The following C21orf58 variants were observed in gnomAD, a reference collection of about 807,000 sequenced individuals.
The protein encoded by C21orf58 is chromosome 21 open reading frame 58.
A neutral mutation model predicts 35.8 loss-of-function variants in C21orf58; 34 were observed. The observed-to-expected ratio is 0.95, with a 90% CI of 0.72 to 1.26. The LOEUF is 1.26. C21orf58 is among the 50% of genes most tolerant of loss of function. The pLI, the probability that C21orf58 is intolerant of heterozygous loss-of-function variation, is 0.00. For missense variants in C21orf58, 440 were observed against 414.3 expected (o/e 1.06, Z -0.54); for synonymous variants, 191 against 175.8 (o/e 1.09, Z -0.68).
intron 6 of C21orf58, among the ~76,000 whole-genome samples, chr21:46,304,781 G>A (rs915922411): frequency 1.3e-5 from 2 of 152,178 alleles, no homozygotes; most frequent in Non-Finnish European, 2.9e-5. Context: ...CTGTGCAGAT[G>A]TAAGCCTGGA....
In C21orf58 at chr21:46,302,147, G is replaced by A. The variant is rs1337155314; in HGVS notation, c.821C>T (p.Pro274Leu). The change falls in exon 8 of 8, where the codon CCA (proline) becomes CTA (leucine). Residue 274 changes from proline to leucine, a missense_variant. By Grantham distance (98) the Pro-to-Leu change is moderately conservative. Transcript: ENST00000291691. ...KALPPALQDP[P>L]HVPPRVPRAA... ...TCGTGGGACCCTCGGGGGCACATGT[G>A]GCGGGTCCTGCCACAGACGCACCTG... 6.0e-6 allele frequency: 9 copies of A among 1,490,770 alleles called. No homozygotes were observed. Among genetic ancestry groups the A allele is most frequent in the Non-Finnish European group, 7.1e-6 (8 of 1,119,350 alleles). 92.3% of individuals were successfully genotyped at this position (1,490,770 alleles called of 1,614,324 possible).
chr21:46,314,131 G>GTTTTTTTTTTTTTTTTTTTTTT, intron 5 of C21orf58, among the ~76,000 whole-genome samples: 1 of 145,110 alleles, frequency 6.9e-6, no homozygotes, highest in Non-Finnish European at 1.5e-5. Flanking sequence ...GCATGATAAA[G>GTTTTTTTTTTTTTTTTTTTTTT]TTTTTTTTTT....
chr21:46,323,030 G>A lies in C21orf58; in HGVS notation c.-292C>T, dbSNP rs1163405394. 8.0e-6 allele frequency: 2 copies of A among 249,664 alleles called. No individual in the cohort carries two copies. Among genetic ancestry groups the A allele is most frequent in the East Asian group, 1.5e-4 (2 of 13,750 alleles). 15.5% of individuals were successfully genotyped at this position (249,664 alleles called of 1,614,324 possible). On this transcript the variant is annotated 5_prime_UTR_variant, in exon 1 of 8. Coordinates refer to ENST00000291691, the MANE Select transcript of C21orf58 (RefSeq NM_058180.5). Reference sequence around the variant, plus strand: ...AGACTTGGACACATGAAATAAAGGGGTTAGCTGAAGGAATACTCCACAGTT... The same window carrying A: ...AGACTTGGACACATGAAATAAAGGGATTAGCTGAAGGAATACTCCACAGTT...
intron 1 of C21orf58, among the ~76,000 whole-genome samples, chr21:46,321,071 T>C (rs1161844672): frequency 6.6e-6 from 1 of 151,942 alleles, no homozygotes; most frequent in African/African-American, 2.4e-5. Flanking sequence ...GTTTTAGATT[T>C]AGAGTAATTG....
At chr21:46,302,370 G>T in intron 7 of C21orf58, 115 bp downstream of exon 7, 1 of 1,082,968 alleles carries the variant, frequency 9.2e-7, no homozygotes, top group Non-Finnish European at 1.3e-6. Context: ...CAGCCAGACT[G>T]TAGACCTGAG....
chr21:46,317,789 C>A (rs1482847459), intron 2 of C21orf58, among the ~76,000 whole-genome samples: 1 of 152,254 alleles, frequency 6.6e-6, no homozygotes, highest in African/African-American at 2.4e-5. Flanking sequence ...GCTCCCCAGA[C>A]CCTGTGCTCA....
At chr21:46,304,459 C>T (rs1264147511) in intron 6 of C21orf58, among the ~76,000 whole-genome samples, 2 of 151,334 alleles carry the variant, frequency 1.3e-5, no homozygotes, top group African/African-American at 4.9e-5. Flanking sequence ...GCACTCCAGC[C>T]TGGGCAATGG....
At position 46,314,787 on chromosome 21, in the gene C21orf58, G is replaced by A. The variant is rs1434962650; in HGVS notation, c.538C>T (p.Pro180Ser). Residue 180 changes from proline (P) to serine (S), a missense_variant, in exon 5 of 8, where the codon CCC becomes TCC. By Grantham distance (74) the Pro-to-Ser change is moderately conservative. Coordinates refer to ENST00000291691, the MANE Select transcript of C21orf58 (RefSeq NM_058180.5). ...LGSALPPELP[P>S]TGILPTASPS... is the part of the protein sequence containing the mutation. ...GAGGCAGTGGGTAGGATGCCCGTGG[G>A]GGGCAGCTCTGGGGGCAGGGCTGAC... 1 of 1,531,570 alleles carries A rather than the reference G, an allele frequency of 6.5e-7. No individual in the cohort carries two copies. The highest frequency in any genetic ancestry group is 2.5e-5 in the East Asian group (1 of 40,502). 94.9% of individuals were successfully genotyped at this position (1,531,570 alleles called of 1,614,324 possible). A position where few individuals can be genotyped will look rare whatever the true frequency, so the allele number is the denominator to read the frequency against.
chr21:46,310,164 A>G (rs1362214088), intron 6 of C21orf58, among the ~76,000 whole-genome samples: 1 of 152,080 alleles, frequency 6.6e-6, no homozygotes, highest in Non-Finnish European at 1.5e-5. Flanking sequence ...TGATATAAGT[A>G]TATGTTATAT....
chr21:46,322,543 C>T (rs1475782207), intron 1 of C21orf58, 96 bp downstream of exon 1: 11 of 1,318,142 alleles, frequency 8.3e-6, no homozygotes, highest in Middle Eastern at 2.0e-4. Context: ...GTGTTGCCTG[C>T]CTGGCCCCTG....
At chr21:46,319,580 C>T (rs937999866) in intron 1 of C21orf58, among the ~76,000 whole-genome samples, 1 of 152,132 alleles carries the variant, frequency 6.6e-6, no homozygotes, top group Admixed American at 6.5e-5. Flanking sequence ...CGGCACAACA[C>T]AACAAGACCC....
At chr21:46,303,707 A>C (rs970692311) in intron 6 of C21orf58, among the ~76,000 whole-genome samples, 4 of 41,530 alleles carry the variant, frequency 9.6e-5, no homozygotes, top group Non-Finnish European at 9.1e-5. Flanking sequence ...CACACACACA[A>C]AATATATATA....
At chr21:46,311,970 C>CCCACCCTTCCATCCACCCAT (rs2082735774) in intron 5 of C21orf58, among the ~76,000 whole-genome samples, 1 of 82,788 alleles carries the variant, frequency 1.2e-5, no homozygotes, top group Non-Finnish European at 2.5e-5. Context: ...CACCCACCCA[C>CCCACCCTTCCATCCACCCAT]CCACCCATCC....
At chr21:46,321,901 C>CTTTTTT (rs397867797) in intron 1 of C21orf58, among the ~76,000 whole-genome samples, 2 of 119,120 alleles carry the variant, frequency 1.7e-5, no homozygotes, top group Non-Finnish European at 3.3e-5. Flanking sequence ...ATCTGGGCAG[C>CTTTTTT]TTTTTTTTTT....
chr21:46,318,037 C>G lies in C21orf58; in HGVS notation c.284G>C (p.Arg95Pro), dbSNP rs781428761. Reference protein sequence around the residue: ...LDSSAAEQVTRLTLKLLGQKL... With the variant: ...LDSSAAEQVTPLTLKLLGQKL... The stretch of plus-strand genomic sequence containing the variant: ...CTGTCCCAAGAGCTTCAGCGTCAGT[C>G]GGGTCACTTGCTCTGCTGCTGATGA... The change falls in exon 2 of 8, where the codon CGA becomes CCA. Residue 95 changes from arginine (R) to proline (P), a missense_variant. Transcript: ENST00000291691. 4.3e-6 allele frequency: 7 copies of G among 1,613,460 alleles called. No homozygotes were observed. The highest frequency in any genetic ancestry group is 5.9e-6 in the Non-Finnish European group (7 of 1,180,004).
At position 46,323,796 on chromosome 21, in the gene C21orf58, G is replaced by C. The variant is rs1378514345; in HGVS notation, c.-1058C>G. 3 of 305,352 alleles carry C rather than the reference G, an allele frequency of 9.8e-6. No individual in the cohort carries two copies. The highest frequency in any genetic ancestry group is 5.7e-5 in the South Asian group (2 of 35,012). The allele number at this position is 305,352 out of a possible 1,614,324, so 18.9% of individuals were successfully genotyped here. On this transcript the variant is annotated 5_prime_UTR_variant, in exon 1 of 8. Transcript: ENST00000291691. ...CCGTTCGGCGCCGCCCGCGCCTGCA[G>C]GGAGCCCGGCCCGCTGTCCTGGTGG...
chr21:46,314,918 G>A, intron 4 of C21orf58, 38 bp from the exon 5 acceptor site: 1 of 1,550,390 alleles, frequency 6.4e-7, no homozygotes, highest in Middle Eastern at 1.7e-4. Flanking sequence ...CACGGGGACG[G>A]GGAGCCCCAA....
Position 46,311,451 on chromosome 21 carries a change from C to T in C21orf58, c.721+5G>A, listed in dbSNP as rs377434359. The T allele has an allele frequency of 3.3e-6, 5 of 1,534,364 alleles. No homozygotes were observed. The African/African-American group carries it at 5.4e-5, about 17-fold the overall frequency. On this transcript the variant is annotated splice_donor_5th_base_variant and intron_variant, in intron 6 of 7. Coordinates refer to ENST00000291691, the MANE Select transcript of C21orf58 (RefSeq NM_058180.5). ...CCCACAACAATATGAATATGGAACA[C>T]TTACCTTCCTTAATACTTCCTGACC...
Position 46,323,092 on chromosome 21 carries a change from GTT to G in C21orf58, c.-356_-355del, listed in dbSNP as rs2083230781. On this transcript the variant is annotated 5_prime_UTR_variant, in exon 1 of 8. It introduces an in-frame stop codon into an upstream open reading frame of the 5' UTR. Transcript: ENST00000291691. ...GCGCGAGGTCACCGGCCCTGTCTTG[GTT>G]TTTTGCCACTTCGCTCCAGTTAGTT... The G allele has an allele frequency of 6.1e-6, 1 of 164,026 alleles. No homozygotes were observed. Among genetic ancestry groups the G allele is most frequent in the Non-Finnish European group, 1.3e-5 (1 of 76,102 alleles). The allele number at this position is 164,026 out of a possible 1,614,324, so 10.2% of individuals were successfully genotyped here. A position where few individuals can be genotyped will look rare whatever the true frequency, so the allele number is the denominator to read the frequency against.
Sources: allele counts gnomAD v4.1 joint callset (sites outside exome capture counted in the v4.1 genomes callset), GRCh38; gene constraint gnomAD v4.1.1; transcripts MANE v1.5; gene names NCBI Gene and HGNC (gene_info 2026-07-23, HGNC 2026-07-21).